The following MAGI2 variants were observed in gnomAD, a reference collection of about 807,000 sequenced individuals.
The protein encoded by MAGI2 is membrane-associated guanylate kinase, WW and PDZ domain-containing protein 2.
A neutral mutation model predicts 133.3 loss-of-function variants in MAGI2; 35 were observed. The ratio of observed to expected loss-of-function variants is 0.26; its 90% CI spans 0.20 to 0.35. The LOEUF (loss-of-function observed/expected upper bound fraction) is 0.35, where lower values mean the gene tolerates loss of function less well. MAGI2 is among the 10% of genes least tolerant of loss of function. MAGI2 has a pLI of 1.00. For missense variants in MAGI2, 1,636 were observed against 1,863.4 expected, an observed-to-expected ratio of 0.88 and a Z score of 2.25; for synonymous variants, 729 against 710.6, an observed-to-expected ratio of 1.03 and a Z score of -0.41.
At chr7:78,999,035 C>G (rs1806593175) in intron 2 of MAGI2, among the ~76,000 whole-genome samples, 1 of 152,070 alleles carries the variant, frequency 6.6e-6, no homozygotes, top group South Asian at 2.1e-4. Context: ...CCTCAGAACT[C>G]TCTCCCCATT....
chr7:78,990,046 A>G (rs561962244), intron 2 of MAGI2, among the ~76,000 whole-genome samples: 1 of 152,186 alleles, frequency 6.6e-6, no homozygotes, highest in South Asian at 2.1e-4. Flanking sequence ...TTTCCTTACC[A>G]TCCTACATAA....
chr7:78,065,288 T>C (rs188593414), intron 21 of MAGI2, among the ~76,000 whole-genome samples: 4 of 152,296 alleles, frequency 2.6e-5, no homozygotes, highest in Admixed American at 2.6e-4. Flanking sequence ...CTCTGAAATA[T>C]GTGGGGTGGA....
At position 78,610,543 on chromosome 7, in the gene MAGI2, G is replaced by T. The variant is rs73701637; in HGVS notation, c.538+16577C>A. Among the ~76,000 whole-genome samples the T allele has an allele frequency of 9.0e-3, 1,374 of 152,272 alleles. 24 individuals are homozygous for T. Among genetic ancestry groups the T allele is most frequent in the African/African-American group, 0.032 (1,310 of 41,544 alleles). On this transcript the variant is annotated intron_variant, in intron 3 of 21. Coordinates refer to ENST00000354212, the MANE Select transcript of MAGI2 (RefSeq NM_012301.4). ...ATGTTAATAGAGCTCCATGACAATTGGTTCCACGGTCTAAGAAGTTTGAAA... is the reference window on the plus strand; with the variant it reads ...ATGTTAATAGAGCTCCATGACAATTTGTTCCACGGTCTAAGAAGTTTGAAA...
At chr7:78,436,390 T>C (rs1040904476) in intron 6 of MAGI2, among the ~76,000 whole-genome samples, 3 of 152,126 alleles carry the variant, frequency 2.0e-5, no homozygotes, top group South Asian at 2.1e-4. Flanking sequence ...AACATTTTAA[T>C]GAGGAGAAAG....
chr7:78,818,177 T>G (rs1789775665), intron 2 of MAGI2, among the ~76,000 whole-genome samples: 1 of 152,174 alleles, frequency 6.6e-6, no homozygotes, highest in Non-Finnish European at 1.5e-5. Flanking sequence ...CAACTCTTTG[T>G]GAAGCTTTGT....
chr7:78,565,383 T>G (rs548565054), intron 3 of MAGI2, among the ~76,000 whole-genome samples: 1 of 152,022 alleles, frequency 6.6e-6, no homozygotes, highest in South Asian at 2.1e-4. Flanking sequence ...GAGGATCGTT[T>G]GAGCCCAAGA....
intron 6 of MAGI2, among the ~76,000 whole-genome samples, chr7:78,436,010 A>G (rs17150733): frequency 0.037 from 5,557 of 152,212 alleles, 148 homozygotes; most frequent in South Asian, 0.075. Context: ...CCTTCACACA[A>G]GTAGATATCT....
intron 6 of MAGI2, among the ~76,000 whole-genome samples, chr7:78,406,348 T>C (rs1475468448): frequency 6.6e-6 from 1 of 152,054 alleles, no homozygotes; most frequent in East Asian, 1.9e-4. Flanking sequence ...TTTCCGACCT[T>C]GCTTTGTAAG....
At chr7:78,631,595 T>C (rs1272980000) in intron 2 of MAGI2, among the ~76,000 whole-genome samples, 2 of 152,188 alleles carry the variant, frequency 1.3e-5, no homozygotes, top group African/African-American at 4.8e-5. Context: ...GGTTCTATTA[T>C]TTACAATAAA....
At chr7:78,237,287 T>C (rs1014177870) in intron 10 of MAGI2, among the ~76,000 whole-genome samples, 1 of 152,186 alleles carries the variant, frequency 6.6e-6, no homozygotes, top group Non-Finnish European at 1.5e-5. Context: ...CACAATGTAC[T>C]TTTTGTTGCT....
At chr7:78,320,687 G>A (rs1470882316) in intron 9 of MAGI2, among the ~76,000 whole-genome samples, 1 of 152,086 alleles carries the variant, frequency 6.6e-6, no homozygotes, top group East Asian at 1.9e-4. Flanking sequence ...GAAAAAACTG[G>A]AAGTACTCCC....
chr7:79,205,637 C>G (rs1828980534), intron 1 of MAGI2, among the ~76,000 whole-genome samples: 1 of 151,036 alleles, frequency 6.6e-6, no homozygotes, highest in East Asian at 2.0e-4. Flanking sequence ...GACTGAAAAA[C>G]AAAACTATTA....
At chr7:78,940,673 G>C (rs1004559011) in intron 2 of MAGI2, 1 of 152,164 alleles carries the variant, frequency 6.6e-6, no homozygotes, top group Non-Finnish European at 1.5e-5. Context: ...AGCTCATTTA[G>C]ATAAGTCATG....
intron 9 of MAGI2, among the ~76,000 whole-genome samples, chr7:78,288,880 CT>C (rs1335656471): frequency 6.6e-6 from 1 of 152,190 alleles, no homozygotes; most frequent in Admixed American, 6.5e-5. Flanking sequence ...AGACCTGCAG[CT>C]GAGGATCCTG....
chr7:78,673,695 G>GC (rs1358874818), intron 2 of MAGI2, among the ~76,000 whole-genome samples: 3 of 152,142 alleles, frequency 2.0e-5, no homozygotes, highest in African/African-American at 7.2e-5. Flanking sequence ...TAGCCTGGGG[G>GC]CGGCGGGGAG....
intron 1 of MAGI2, among the ~76,000 whole-genome samples, chr7:79,071,423 G>C (rs911299707): frequency 6.6e-6 from 1 of 151,994 alleles, no homozygotes; most frequent in Non-Finnish European, 1.5e-5. Flanking sequence ...GGATACACGG[G>C]GGTCAGGGAC....
At chr7:78,124,554 A>G (rs571392541) in intron 20 of MAGI2, among the ~76,000 whole-genome samples, 71 of 152,262 alleles carry the variant, frequency 4.7e-4, no homozygotes, top group African/African-American at 1.5e-3. Context: ...GCCATCAGGG[A>G]AAATTGGTTG....
At chr7:78,354,117 AT>A (rs1304632621) in intron 7 of MAGI2, among the ~76,000 whole-genome samples, 2 of 152,122 alleles carry the variant, frequency 1.3e-5, no homozygotes, top group African/African-American at 4.8e-5. Context: ...TGTCCTAGGT[AT>A]TGTTTTCACC....
chr7:78,293,452 T>C (rs1262263649), intron 9 of MAGI2, among the ~76,000 whole-genome samples: 3 of 152,158 alleles, frequency 2.0e-5, no homozygotes, highest in African/African-American at 7.2e-5. Context: ...CTGGAGAGGA[T>C]GTGGAGAAAT....
Sources: gnomAD v4.1 joint callset for allele counts (sites outside exome capture counted in the v4.1 genomes callset) on GRCh38, gnomAD v4.1.1 for gene constraint, MANE v1.5 for transcripts, NCBI Gene and HGNC (gene_info 2026-07-23, HGNC 2026-07-21) for gene names.